The following DZIP3 variants were observed in gnomAD, a reference collection of about 807,000 sequenced individuals.
DZIP3 encodes E3 ubiquitin-protein ligase DZIP3.
DZIP3 carries 118 observed loss-of-function variants against 162.0 expected under a neutral mutation model. The ratio of observed to expected loss-of-function variants is 0.73; its 90% CI spans 0.63 to 0.85. The LOEUF (loss-of-function observed/expected upper bound fraction) is 0.85, where lower values mean the gene tolerates loss of function less well. Ranked by LOEUF, DZIP3 falls within the 40% of genes least tolerant of loss-of-function variation. The probability of loss-of-function intolerance (pLI) is 0.00; values close to 1 mark genes in which losing one functional copy is unlikely to be tolerated. For synonymous variants in DZIP3, 438 were observed against 458.6 expected, an observed-to-expected ratio of 0.96 and a Z score of 0.57; for missense variants, 1,331 against 1,407.0, an observed-to-expected ratio of 0.95 and a Z score of 0.86.
intron 19 of DZIP3, among the ~76,000 whole-genome samples, chr3:108,658,317 G>C (rs1249364859): frequency 6.6e-6 from 1 of 152,116 alleles, no homozygotes; most frequent in East Asian, 1.9e-4. Flanking sequence ...AATCAAAGTA[G>C]AACTCAAGAT....
chr3:108,673,726 A>G (rs911051452), intron 23 of DZIP3, among the ~76,000 whole-genome samples: 3 of 151,968 alleles, frequency 2.0e-5, no homozygotes, highest in African/African-American at 7.2e-5. Flanking sequence ...ATTATCAGAG[A>G]GCTTTTAAAA....
chr3:108,677,915 A>G (rs925607519), intron 26 of DZIP3, among the ~76,000 whole-genome samples: 12 of 152,000 alleles, frequency 7.9e-5, no homozygotes, highest in African/African-American at 2.7e-4. Context: ...CAGTGTCCTC[A>G]TGTTACCACT....
intron 1 of DZIP3, among the ~76,000 whole-genome samples, chr3:108,603,979 C>CT (rs529348872): frequency 1.3e-5 from 2 of 151,802 alleles, no homozygotes; most frequent in Non-Finnish European, 2.9e-5. Context: ...TGGTAAATTG[C>CT]TTTTTTTGGT....
chr3:108,615,502 C>T (rs985812166), intron 4 of DZIP3, among the ~76,000 whole-genome samples: 2 of 151,958 alleles, frequency 1.3e-5, no homozygotes, highest in Non-Finnish European at 2.9e-5. Flanking sequence ...AGAAGAGGCT[C>T]ATTAAATTGA....
chr3:108,598,031 C>T (rs895710575), intron 1 of DZIP3, among the ~76,000 whole-genome samples: 4 of 152,084 alleles, frequency 2.6e-5, no homozygotes, highest in Non-Finnish European at 4.4e-5. Flanking sequence ...TAGAAAAACT[C>T]TTAGCAAAAA....
chr3:108,676,290 A>G (rs941918795), intron 25 of DZIP3, among the ~76,000 whole-genome samples: 5 of 152,080 alleles, frequency 3.3e-5, no homozygotes, highest in African/African-American at 1.2e-4. Flanking sequence ...TACAGCCTGG[A>G]CAATAGAGTG....
At chr3:108,669,814 G>A in intron 22 of DZIP3, 65 bp downstream of exon 22, 1 of 1,302,946 alleles carries the variant, frequency 7.7e-7, no homozygotes, top group Non-Finnish European at 1.1e-6. Flanking sequence ...AACACTTTCT[G>A]GCTGGCATAT....
intron 2 of DZIP3, among the ~76,000 whole-genome samples, chr3:108,606,835 A>G (rs1174872244): frequency 6.6e-6 from 1 of 152,182 alleles, no homozygotes; most frequent in Middle Eastern, 3.2e-3. Flanking sequence ...TTCAGAAGAC[A>G]TGAAGTAGGT....
chr3:108,607,901 G>A (rs940477554), intron 2 of DZIP3, among the ~76,000 whole-genome samples, 188 bp from the exon 3 acceptor site: 1 of 152,070 alleles, frequency 6.6e-6, no homozygotes, highest in Non-Finnish European at 1.5e-5. Flanking sequence ...CATCCAGTAA[G>A]GGCATGGCCA....
chr3:108,648,671 T>C (rs1385823884), intron 16 of DZIP3: 3 of 216,262 alleles, frequency 1.4e-5, no homozygotes, highest in Non-Finnish European at 1.9e-5. Context: ...CTGTGAACTT[T>C]TATCAGTAAC....
At chr3:108,637,072 T>TA (rs1437996272) in intron 11 of DZIP3, among the ~76,000 whole-genome samples, 1 of 152,026 alleles carries the variant, frequency 6.6e-6, no homozygotes, top group Non-Finnish European at 1.5e-5. Flanking sequence ...AATATCCTCC[T>TA]ATGAAGGTAT....
intron 5 of DZIP3, among the ~76,000 whole-genome samples, chr3:108,618,413 G>A (rs1941131266): frequency 6.6e-6 from 1 of 151,988 alleles, no homozygotes; most frequent in Admixed American, 6.5e-5. Context: ...ACTATTCTAA[G>A]CGCTTTGTAA....
chr3:108,665,852 C>CA (rs1344822210), intron 21 of DZIP3, among the ~76,000 whole-genome samples: 1 of 151,738 alleles, frequency 6.6e-6, no homozygotes, highest in Non-Finnish European at 1.5e-5. Context: ...CTGTATTTAG[C>CA]AAAAAATATT....
At chr3:108,631,008 TACACACACACAC>T (rs779771238) in intron 8 of DZIP3, among the ~76,000 whole-genome samples, 57 of 27,432 alleles carry the variant, frequency 2.1e-3, no homozygotes, top group Admixed American at 5.0e-3. Context: ...ATACATCCCC[TACACACACACAC>T]ACACACACAC....
At chr3:108,600,068 T>C (rs138628584) in intron 1 of DZIP3, among the ~76,000 whole-genome samples, 1 of 152,316 alleles carries the variant, frequency 6.6e-6, no homozygotes, top group African/African-American at 2.4e-5. Context: ...TGTCCTGCCA[T>C]GTTCTTTGAA....
rs1324894244 is a variant in DZIP3, at chr3:108,661,908, G to T, written c.2231G>T (p.Gly744Val). The change falls in exon 20 of 33, where the codon GGA becomes GTA. Residue 744 changes from glycine to valine, a missense_variant. Physicochemically the swap from Gly to Val is moderately radical, Grantham distance 109. Transcript: ENST00000361582. ...GSAGKVTTDY[G>V]ETEKERLARQ... ...GCTGGCAAAGTAACTACAGACTATG[G>T]AGAAACTGAAAAGGAAAGGCTTGCT... 7 of 1,613,806 alleles carry T rather than the reference G, an allele frequency of 4.3e-6. No homozygotes were observed. In the East Asian group the frequency reaches 1.6e-4, roughly 36 times the overall value.
intron 12 of DZIP3, among the ~76,000 whole-genome samples, chr3:108,638,642 C>G (rs1280725480): frequency 1.3e-5 from 2 of 152,090 alleles, no homozygotes; most frequent in African/African-American, 2.4e-5. Flanking sequence ...ATATAAATTT[C>G]TTCCTATTTC....
At chr3:108,610,172 A>G (rs186165375) in intron 3 of DZIP3, among the ~76,000 whole-genome samples, 26 of 152,322 alleles carry the variant, frequency 1.7e-4, no homozygotes, top group East Asian at 7.7e-4. Context: ...ATGAAATGCT[A>G]TAAAATCTAA....
At position 108,611,295 on chromosome 3, in the gene DZIP3, T is replaced by C; in HGVS notation, c.224T>C (p.Phe75Ser). The change falls in exon 4 of 33, where the codon TTC becomes TCC. Residue 75 changes from phenylalanine (F) to serine (S), a missense_variant. Phe to Ser is a radical substitution (Grantham distance 155, BLOSUM62 -2). Transcript: ENST00000361582. ...PKGVVPHIKK[F>S]LQEDFSFQTM... ...GGTGTGGTTCCTCACATTAAGAAGT[T>C]CTTACAAGAAGATTTTTCCTTCCAA... The C allele has an allele frequency of 6.2e-7, 1 of 1,611,994 alleles. No homozygotes were observed. Among genetic ancestry groups the C allele is most frequent in the Non-Finnish European group, 8.5e-7 (1 of 1,179,424 alleles).
Sources: gnomAD v4.1 joint callset for allele counts (sites outside exome capture counted in the v4.1 genomes callset) on GRCh38, gnomAD v4.1.1 for gene constraint, MANE v1.5 for transcripts, NCBI Gene and HGNC (gene_info 2026-07-23, HGNC 2026-07-21) for gene names.